Variants in NDUFAF2 observed in about 807,000 individuals in gnomAD.
The protein encoded by NDUFAF2 is NADH dehydrogenase [ubiquinone] 1 alpha subcomplex assembly factor 2.
In NDUFAF2, 13 loss-of-function variants were observed where a neutral mutation model predicts 22.8. The observed-to-expected ratio is 0.57, with a 90% CI of 0.37 to 0.91. The LOEUF (loss-of-function observed/expected upper bound fraction) is 0.91. Ranked by LOEUF, NDUFAF2 falls within the 40% of genes least tolerant of loss-of-function variation. The pLI is 0.01. For synonymous variants in NDUFAF2, 53 were observed against 64.2 expected, an observed-to-expected ratio of 0.83 and a Z score of 0.84; for missense variants, 162 against 195.2, an observed-to-expected ratio of 0.83 and a Z score of 1.01.
At chr5:61,029,505 A>G (rs1751696961) in intron 1 of NDUFAF2, among the ~76,000 whole-genome samples, 1 of 152,094 alleles carries the variant, frequency 6.6e-6, no homozygotes, top group African/African-American at 2.4e-5. Flanking sequence ...TGTGTTCAGG[A>G]TACAGTTATT....
chr5:61,034,641 C>G (rs879578131), intron 1 of NDUFAF2, among the ~76,000 whole-genome samples: 5 of 152,148 alleles, frequency 3.3e-5, no homozygotes, highest in Admixed American at 6.6e-5. Flanking sequence ...AATCATTACA[C>G]ACACACCATA....
chr5:60,954,165 A>C (rs567745978), intron 1 of NDUFAF2, among the ~76,000 whole-genome samples: 12 of 152,282 alleles, frequency 7.9e-5, no homozygotes, highest in Middle Eastern at 6.8e-3. Flanking sequence ...CTCTGGTCCC[A>C]AGTCATTAGC....
chr5:61,093,721 T>C (rs568543268), intron 2 of NDUFAF2, among the ~76,000 whole-genome samples: 2 of 152,336 alleles, frequency 1.3e-5, no homozygotes, highest in African/African-American at 4.8e-5. Flanking sequence ...GAAGTTTTCC[T>C]TTTTTGTGGT....
chr5:61,136,288 G>C (rs1215221934), intron 3 of NDUFAF2, among the ~76,000 whole-genome samples: 1 of 151,824 alleles, frequency 6.6e-6, no homozygotes, highest in East Asian at 1.9e-4. Flanking sequence ...TCTTGAACTG[G>C]AAAGTCTGTT....
At chr5:61,007,340 G>T (rs3108388) in intron 1 of NDUFAF2, among the ~76,000 whole-genome samples, 94,926 of 150,194 alleles carry the variant, frequency 0.63, 30,303 homozygotes, top group East Asian at 0.94. Context: ...CATATGGCTA[G>T]CCAGTTTTCC....
At position 60,973,993 on chromosome 5, in the gene NDUFAF2, C is replaced by T. The variant is rs188622722; in HGVS notation, c.127+28611C>T. Among the ~76,000 whole-genome samples the T allele has an allele frequency of 1.5e-3, 231 of 152,204 alleles. 5 individuals are homozygous for T. Among genetic ancestry groups the T allele is most frequent in the Admixed American group, 0.014 (219 of 15,292 alleles). On this transcript the variant is annotated intron_variant, in intron 1 of 3. Coordinates refer to ENST00000296597, the MANE Select transcript of NDUFAF2 (RefSeq NM_174889.5). ...TAATTTTTGATATTTTGGGTAGAGACAGGGTGTGATGGTTAATATTGAGTG... is the reference window on the plus strand; with the variant it reads ...TAATTTTTGATATTTTGGGTAGAGATAGGGTGTGATGGTTAATATTGAGTG...
chr5:61,042,531 G>A (rs1263599009), intron 1 of NDUFAF2, among the ~76,000 whole-genome samples: 4 of 152,098 alleles, frequency 2.6e-5, no homozygotes, highest in African/African-American at 9.7e-5. Context: ...CTAATAAAGA[G>A]GGGTTGCCAG....
chr5:60,989,717 A>G (rs913257745), intron 1 of NDUFAF2, among the ~76,000 whole-genome samples: 4 of 152,264 alleles, frequency 2.6e-5, no homozygotes, highest in East Asian at 3.9e-4. Context: ...GGACACAACA[A>G]AGGGAACAAC....
At chr5:61,049,899 A>ACG (rs1047648761) in intron 1 of NDUFAF2, among the ~76,000 whole-genome samples, 25 of 151,292 alleles carry the variant, frequency 1.7e-4, no homozygotes, top group African/African-American at 6.1e-4. Context: ...ACACACACAC[A>ACG]CACACACACA....
intron 1 of NDUFAF2, among the ~76,000 whole-genome samples, chr5:60,946,984 G>A (rs1750469197): frequency 1.3e-5 from 2 of 152,194 alleles, no homozygotes; most frequent in African/African-American, 4.8e-5. Context: ...TTGCTCAGTA[G>A]TATTCCATTG....
At chr5:61,009,385 T>A (rs1751414703) in intron 1 of NDUFAF2, among the ~76,000 whole-genome samples, 1 of 152,016 alleles carries the variant, frequency 6.6e-6, no homozygotes, top group Admixed American at 6.6e-5. Context: ...GTATGTAACA[T>A]CTCCTAATCT....
chr5:61,104,138 C>T (rs1219606303), intron 3 of NDUFAF2, among the ~76,000 whole-genome samples: 2 of 152,140 alleles, frequency 1.3e-5, no homozygotes, highest in East Asian at 3.9e-4. Context: ...ATAACCCCAT[C>T]ATAAGTTGAG....
At chr5:60,971,454 T>A (rs1262956220) in intron 1 of NDUFAF2, among the ~76,000 whole-genome samples, 1 of 151,760 alleles carries the variant, frequency 6.6e-6, no homozygotes, top group Non-Finnish European at 1.5e-5. Flanking sequence ...GCCCGGCTAA[T>A]TTTTTTGTAT....
intron 3 of NDUFAF2, chr5:61,145,826 C>T (rs975681697): frequency 7.2e-5 from 11 of 152,130 alleles, no homozygotes; most frequent in African/African-American, 2.4e-4. Context: ...GTTTCTTTCT[C>T]TTCTTCCCTG....
intron 1 of NDUFAF2, among the ~76,000 whole-genome samples, chr5:61,043,683 GTGTGTGTGTGTGTGTGTGTA>G (rs1178208566): frequency 1.4e-5 from 2 of 144,252 alleles, no homozygotes; most frequent in African/African-American, 2.8e-5. Flanking sequence ...GTATATATGT[GTGTGTGTGTGTGTGTGTGTA>G]TGTGTGTGTG....
chr5:61,049,913 A>ACC (rs1383693131), intron 1 of NDUFAF2, among the ~76,000 whole-genome samples: 1 of 151,322 alleles, frequency 6.6e-6, no homozygotes, highest in East Asian at 1.9e-4. Flanking sequence ...ACACACACAC[A>ACC]CACAGTCTGA....
At chr5:61,084,887 T>C (rs1480635048) in intron 2 of NDUFAF2, among the ~76,000 whole-genome samples, 1 of 152,138 alleles carries the variant, frequency 6.6e-6, no homozygotes, top group Non-Finnish European at 1.5e-5. Context: ...CAGAATGATA[T>C]ATATAGAAGA....
intron 1 of NDUFAF2, among the ~76,000 whole-genome samples, chr5:60,962,564 G>T (rs1414722160): frequency 6.6e-6 from 1 of 152,032 alleles, no homozygotes; most frequent in African/African-American, 2.4e-5. Flanking sequence ...ATTGCGTGGT[G>T]GCTCACGCCT....
chr5:61,040,388 C>T (rs2111680031), intron 1 of NDUFAF2, among the ~76,000 whole-genome samples: 1 of 152,038 alleles, frequency 6.6e-6, no homozygotes, highest in East Asian at 1.9e-4. Flanking sequence ...AGATTCTTCC[C>T]TAGAGCCTTC....
Sources: gnomAD v4.1 joint callset for allele counts (sites outside exome capture counted in the v4.1 genomes callset) on GRCh38, gnomAD v4.1.1 for gene constraint, MANE v1.5 for transcripts, NCBI Gene and HGNC (gene_info 2026-07-23, HGNC 2026-07-21) for gene names.